SHROOM3: variants seen among roughly 807,000 people sequenced by gnomAD.
SHROOM3 encodes protein Shroom3.
In SHROOM3, 47 loss-of-function variants were observed where a neutral mutation model predicts 138.6. The observed-to-expected ratio is 0.34, with a 90% CI of 0.27 to 0.43. The LOEUF is 0.43. Ranked by LOEUF, SHROOM3 falls within the 20% of genes least tolerant of loss-of-function variation. The pLI, the probability that SHROOM3 is intolerant of heterozygous loss-of-function variation, is 1.00. For missense variants in SHROOM3, 2,491 were observed against 2,596.5 expected, an observed-to-expected ratio of 0.96 and a Z score of 0.88; for synonymous variants, 1,062 against 1,063.3, an observed-to-expected ratio of 1.00 and a Z score of 0.02.
chr4:76,550,374 G>T (rs1034328050), intron 1 of SHROOM3, among the ~76,000 whole-genome samples: 1 of 152,160 alleles, frequency 6.6e-6, no homozygotes, highest in South Asian at 2.1e-4. Context: ...GGCATGGTCA[G>T]AAATACCTAT....
chr4:76,613,444 G>T (rs947495265), intron 2 of SHROOM3, among the ~76,000 whole-genome samples: 1 of 152,208 alleles, frequency 6.6e-6, no homozygotes, highest in African/African-American at 2.4e-5. Context: ...ACCATGGATT[G>T]TTAGTGTTTT....
intron 2 of SHROOM3, among the ~76,000 whole-genome samples, chr4:76,660,485 AT>A (rs914099269): frequency 4.0e-5 from 6 of 151,538 alleles, no homozygotes; most frequent in African/African-American, 1.2e-4. Context: ...ATTTTAATTA[AT>A]TTTTTTTAAG....
rs372707079 is a variant in SHROOM3, at chr4:76,755,099, C to T, written c.4616C>T (p.Pro1539Leu). 2.1e-5 allele frequency: 34 copies of T among 1,602,322 alleles called. No homozygotes were observed. The highest frequency in any genetic ancestry group is 1.1e-4 in the African/African-American group (8 of 74,476). Residue 1539 changes from proline to leucine, a missense_variant, in exon 7 of 11, where the codon CCG becomes CTG. By Grantham distance (98) the Pro-to-Leu change is moderately conservative. Around this residue, in one of 4 missense-constraint regions of SHROOM3, gnomAD observed 470 missense variants for 595.0 expected, o/e 0.79. Transcript: ENST00000296043. ...PPPPPPSQET[P>L]VYSMDDFPPP... ...CCTCCTCCACCGAGTCAGGAAACCC[C>T]GGTGTATAGCATGGATGACTTCCCT... is the stretch of plus-strand genomic sequence containing the variant.
intron 2 of SHROOM3, among the ~76,000 whole-genome samples, chr4:76,614,630 T>C (rs2110063000): frequency 6.6e-6 from 1 of 152,270 alleles, no homozygotes; most frequent in South Asian, 2.1e-4. Context: ...CCTAATGCTC[T>C]CCCTCCCTTT....
At chr4:76,529,857 T>A (rs1488471214) in intron 1 of SHROOM3, among the ~76,000 whole-genome samples, 2 of 152,214 alleles carry the variant, frequency 1.3e-5, no homozygotes. Context: ...TTTGCATTCT[T>A]TTGAATCTCT....
intron 1 of SHROOM3, among the ~76,000 whole-genome samples, chr4:76,524,009 A>G (rs953175310): frequency 6.6e-6 from 1 of 152,228 alleles, no homozygotes; most frequent in Non-Finnish European, 1.5e-5. Flanking sequence ...GGCTGGGGCT[A>G]TGAAGAAGCC....
At chr4:76,705,031 C>T (rs754999673) in intron 2 of SHROOM3, among the ~76,000 whole-genome samples, 2 of 152,206 alleles carry the variant, frequency 1.3e-5, no homozygotes, top group African/African-American at 2.4e-5. Context: ...CCTAATGGCT[C>T]AGTTCCGTGT....
intron 2 of SHROOM3, among the ~76,000 whole-genome samples, chr4:76,604,622 C>T (rs1469226896): frequency 6.6e-6 from 1 of 152,122 alleles, no homozygotes; most frequent in African/African-American, 2.4e-5. Flanking sequence ...TGAAGGATGC[C>T]ATGAAAATAT....
chr4:76,476,656 G>A (rs963916656), intron 1 of SHROOM3, among the ~76,000 whole-genome samples: 5 of 152,172 alleles, frequency 3.3e-5, no homozygotes, highest in African/African-American at 4.8e-5. Context: ...TTTGCTGTGT[G>A]TAATTTATTT....
intron 2 of SHROOM3, among the ~76,000 whole-genome samples, chr4:76,616,614 T>C (rs1203650630): frequency 6.6e-6 from 1 of 152,166 alleles, no homozygotes; most frequent in East Asian, 1.9e-4. Context: ...TTATCTGAGG[T>C]ACCTAGAGTA....
intron 1 of SHROOM3, among the ~76,000 whole-genome samples, chr4:76,498,778 A>G (rs1732022642): frequency 6.6e-6 from 1 of 152,128 alleles, no homozygotes; most frequent in South Asian, 2.1e-4. Context: ...TGAATGTTCA[A>G]TAATGTCTGG....
At chr4:76,599,322 T>C (rs1173919872) in intron 2 of SHROOM3, among the ~76,000 whole-genome samples, 1 of 152,126 alleles carries the variant, frequency 6.6e-6, no homozygotes, top group African/African-American at 2.4e-5. Context: ...CTTCAGAGAA[T>C]GAGCAATTGA....
At chr4:76,519,702 AT>A (rs1278389911) in intron 1 of SHROOM3, among the ~76,000 whole-genome samples, 2 of 152,178 alleles carry the variant, frequency 1.3e-5, no homozygotes, top group African/African-American at 4.8e-5. Context: ...ACTATATGTG[AT>A]TTTCACTGTA....
At chr4:76,722,949 CTGAGTA>C (rs1156587576) in intron 3 of SHROOM3, among the ~76,000 whole-genome samples, 4 of 151,754 alleles carry the variant, frequency 2.6e-5, no homozygotes, top group Non-Finnish European at 5.9e-5. Flanking sequence ...TGCTGGTAGT[CTGAGTA>C]TATTTTGTAT....
chr4:76,612,591 TGTA>T (rs1365197513), intron 2 of SHROOM3, among the ~76,000 whole-genome samples: 1 of 152,156 alleles, frequency 6.6e-6, no homozygotes, highest in Non-Finnish European at 1.5e-5. Flanking sequence ...TGAAAAATAA[TGTA>T]GTATAATAAT....
Position 76,755,061 on chromosome 4 carries a change from TCCCCCA to T in SHROOM3, c.4587_4592del (p.Pro1533_Pro1534del). On this transcript the variant is annotated inframe_deletion, in exon 7 of 11. Coordinates refer to ENST00000296043, the MANE Select transcript of SHROOM3 (RefSeq NM_020859.4). ...CGTCCAGCCCCACATTTGAACCTCTTCCCCCACCCCCACCTCCTCCACCGAGTCAGG... is the reference window on the plus strand; with the variant it reads ...CGTCCAGCCCCACATTTGAACCTCTTCCCCCACCTCCTCCACCGAGTCAGG... The T allele has an allele frequency of 6.3e-7, 1 of 1,598,024 alleles. No homozygotes were observed.
chr4:76,578,265 T>A (rs1269922654), intron 2 of SHROOM3, among the ~76,000 whole-genome samples: 2 of 152,234 alleles, frequency 1.3e-5, no homozygotes, highest in African/African-American at 4.8e-5. Context: ...TATTACAAAC[T>A]CAGTTTCCTT....
At chr4:76,626,157 CT>C in intron 2 of SHROOM3, among the ~76,000 whole-genome samples, 1 of 152,266 alleles carries the variant, frequency 6.6e-6, no homozygotes, top group East Asian at 1.9e-4. Flanking sequence ...CGTAGGGCTG[CT>C]TCATCAGGCG....
At chr4:76,565,559 C>T (rs1733704574) in intron 2 of SHROOM3, among the ~76,000 whole-genome samples, 1 of 152,160 alleles carries the variant, frequency 6.6e-6, no homozygotes, top group Non-Finnish European at 1.5e-5. Flanking sequence ...GTGGCATGAA[C>T]ACAGCCTTGA....
Sources: allele counts gnomAD v4.1 joint callset (sites outside exome capture counted in the v4.1 genomes callset), GRCh38; gene constraint gnomAD v4.1.1; regional missense constraint gnomAD v4.1.1; transcripts MANE v1.5; gene names NCBI Gene and HGNC (gene_info 2026-07-23, HGNC 2026-07-21).